The following SPSB1 variants were observed in gnomAD, a reference collection of about 807,000 sequenced individuals.
The protein encoded by SPSB1 is SPRY domain-containing SOCS box protein 1.
SPSB1 carries 8 observed loss-of-function variants against 21.2 expected under a neutral mutation model. The observed-to-expected ratio is 0.38, with a 90% CI of 0.22 to 0.68. The LOEUF (loss-of-function observed/expected upper bound fraction) is 0.68, where lower values mean the gene tolerates loss of function less well. Among genes scored for constraint, SPSB1 ranks in the 30% least tolerant of loss-of-function variants. The pLI is 0.53. For synonymous variants in SPSB1, 169 were observed against 161.7 expected (o/e 1.05, Z -0.34); for missense variants, 242 against 377.8 (o/e 0.64, Z 2.98).
intron 1 of SPSB1, among the ~76,000 whole-genome samples, chr1:9,303,752 G>C (rs1417420300): frequency 1.3e-5 from 2 of 152,180 alleles, no homozygotes; most frequent in African/African-American, 4.8e-5. Flanking sequence ...TGGAGATTAA[G>C]TATGGTTTAA....
At chr1:9,362,248 A>G (rs10746488) in intron 2 of SPSB1, among the ~76,000 whole-genome samples, 114,800 of 150,786 alleles carry the variant, frequency 0.76, 43,808 homozygotes, top group East Asian at 0.96. Context: ...TATTCCCCAC[A>G]CCCTCCAGAA....
chr1:9,328,840 C>T (rs1177085022), intron 1 of SPSB1, among the ~76,000 whole-genome samples: 2 of 152,192 alleles, frequency 1.3e-5, no homozygotes, highest in Admixed American at 6.5e-5. Context: ...AGGCTTGTGT[C>T]GGGCGTGGCT....
At chr1:9,326,119 G>T (rs1424367327) in intron 1 of SPSB1, among the ~76,000 whole-genome samples, 1 of 152,030 alleles carries the variant, frequency 6.6e-6, no homozygotes, top group Non-Finnish European at 1.5e-5. Flanking sequence ...CGACACGTGG[G>T]GAGGTCGGGT....
At chr1:9,357,220 A>G (rs75850835) in intron 2 of SPSB1, among the ~76,000 whole-genome samples, 72,960 of 147,990 alleles carry the variant, frequency 0.49, 18,504 homozygotes, top group East Asian at 0.6. Flanking sequence ...TCAGTGAATG[A>G]ATGGATGGAT....
intron 1 of SPSB1, among the ~76,000 whole-genome samples, chr1:9,318,230 C>T (rs759126116): frequency 5.3e-5 from 8 of 152,242 alleles, no homozygotes; most frequent in Admixed American, 5.2e-4. Flanking sequence ...TCCTCCACCA[C>T]GAATGCAGCC....
In SPSB1 at chr1:9,356,238, G is replaced by T; in HGVS notation, c.347G>T (p.Gly116Val). 6.2e-7 allele frequency: 1 copy of T among 1,606,010 alleles called. No homozygotes were observed. The highest frequency in any genetic ancestry group is 8.5e-7 in the Non-Finnish European group (1 of 1,175,116). The stretch of plus-strand genomic sequence containing the variant: ...CAGCGGGGCACACACGCCGTGGTGG[G>T]GGTGGCGACGGCAGACGCCCCCCTG... ...MRQRGTHAVV[G>V]VATADAPLHS... The change falls in exon 2 of 3, where the codon GGG becomes GTG. Residue 116 changes from glycine to valine, a missense_variant. Transcript: ENST00000328089. The surrounding 1 kb of genome is among the most constrained non-coding windows in gnomAD (Gnocchi z 7.4).
chr1:9,340,094 G>A (rs1557459043), intron 1 of SPSB1, among the ~76,000 whole-genome samples: 3 of 152,200 alleles, frequency 2.0e-5, no homozygotes, highest in Admixed American at 6.5e-5. Flanking sequence ...GCAAGCTCCT[G>A]GGTGATGGTC....
chr1:9,367,504 A>AGG lies in SPSB1; in HGVS notation c.753_754dup (p.Glu252GlyfsTer58). On this transcript the variant is annotated frameshift_variant, in exon 3 of 3. Transcript: ENST00000328089. LOFTEE classifies it high-confidence loss of function. The surrounding 1 kb of genome is among the most constrained non-coding windows in gnomAD (Gnocchi z 5.9). Reference sequence around the variant, plus strand: ...TCGCTCGGTGCGCCTGGCCCTGGGGAGGGAGCGCCTGGGGGAGATCCACAC... The same window carrying AGG: ...TCGCTCGGTGCGCCTGGCCCTGGGGAGGGGGAGCGCCTGGGGGAGATCCACAC... The AGG allele has an allele frequency of 6.2e-7, 1 of 1,611,270 alleles. No individual in the cohort carries two copies. The highest frequency in any genetic ancestry group is 8.5e-7 in the Non-Finnish European group (1 of 1,179,092).
At chr1:9,319,400 T>G (rs1218927472) in intron 1 of SPSB1, among the ~76,000 whole-genome samples, 1 of 151,970 alleles carries the variant, frequency 6.6e-6, no homozygotes, top group African/African-American at 2.4e-5. Context: ...TTCTCCTCCC[T>G]CCTCCCTCCT....
At position 9,356,098 on chromosome 1, in the gene SPSB1, G is replaced by A; in HGVS notation, c.207G>A (p.Glu69=). 6.2e-7 allele frequency: 1 copy of A among 1,608,238 alleles called. No individual in the cohort carries two copies. Among genetic ancestry groups the A allele is most frequent in the East Asian group, 2.2e-5 (1 of 44,746 alleles). ...GATCGCTCAATGTCTTTGTGAAGGA[G>A]GACGACAAGCTCATCTTTCACCGGC... ...NDRSLNVFVK[E]DDKLIFHRHP... is the part of the protein sequence containing the mutation. The change falls in exon 2 of 3, where the codon GAG becomes GAA. Residue 69 remains glutamate, a synonymous_variant. Transcript: ENST00000328089. This position sits in a 1 kb window ranked among gnomAD's most constrained non-coding sequence, Gnocchi z 7.4.
intron 2 of SPSB1, among the ~76,000 whole-genome samples, chr1:9,362,490 C>T (rs1200328094): frequency 1.3e-5 from 2 of 152,242 alleles, no homozygotes; most frequent in South Asian, 2.1e-4. Context: ...TGTCCTGGAG[C>T]GTGGTCCCCA....
chr1:9,359,930 A>G (rs1221496942), intron 2 of SPSB1, among the ~76,000 whole-genome samples: 2 of 151,972 alleles, frequency 1.3e-5, no homozygotes, highest in East Asian at 3.9e-4. Flanking sequence ...CGAGAAAGGG[A>G]AGCAGCAAGG....
Position 9,321,289 on chromosome 1 carries a change from C to T in SPSB1, c.-150+28218C>T, listed in dbSNP as rs1318242231. Among the ~76,000 whole-genome samples the T allele has an allele frequency of 6.6e-6, 1 of 152,154 alleles. No individual in the cohort carries two copies. The highest frequency in any genetic ancestry group is 1.9e-4 in the East Asian group (1 of 5,194). On this transcript the variant is annotated intron_variant, in intron 1 of 2. Coordinates refer to ENST00000328089, the MANE Select transcript of SPSB1 (RefSeq NM_025106.4). The surrounding 1 kb of genome is among the most constrained non-coding windows in gnomAD (Gnocchi z 4.8). ...TCGAGTTTCTGGGTTGATGGCACATCCAGGGTGAAGGAAGAACTCCTTACA... is the reference window on the plus strand; with the variant it reads ...TCGAGTTTCTGGGTTGATGGCACATTCAGGGTGAAGGAAGAACTCCTTACA...
chr1:9,350,458 G>T (rs1640238469), intron 1 of SPSB1, among the ~76,000 whole-genome samples: 1 of 152,244 alleles, frequency 6.6e-6, no homozygotes. Context: ...CTTTCACTAA[G>T]GGAATGGAGA....
intron 1 of SPSB1, among the ~76,000 whole-genome samples, chr1:9,311,040 G>T (rs629524): frequency 0.59 from 89,083 of 151,868 alleles, 27,194 homozygotes; most frequent in Middle Eastern, 0.71. Context: ...GGGCCAATTT[G>T]GAGCTGGTCA....
rs552880995 is a variant in SPSB1, at chr1:9,293,785, G to T, written c.-150+714G>T. 1.3e-5 allele frequency among the ~76,000 whole-genome samples: 2 copies of T among 152,286 alleles called. No homozygotes were observed. The highest frequency in any genetic ancestry group is 4.1e-4 in the South Asian group (2 of 4,820). ...TGGGCTCGGTGGCGTCCAGGTTCCG[G>T]TGAGGACGGGACGGCCCCGAGAGGA... is the stretch of plus-strand genomic sequence containing the variant. On this transcript the variant is annotated intron_variant, in intron 1 of 2. Transcript: ENST00000328089. The surrounding 1 kb of genome is among the most constrained non-coding windows in gnomAD (Gnocchi z 5.1).
Position 9,305,394 on chromosome 1 carries a change from C to T in SPSB1, c.-150+12323C>T, listed in dbSNP as rs1348406774. Among the ~76,000 whole-genome samples the T allele has an allele frequency of 6.6e-6, 1 of 152,232 alleles. No homozygotes were observed. Among genetic ancestry groups the T allele is most frequent in the Non-Finnish European group, 1.5e-5 (1 of 68,036 alleles). ...TGCCAGGGACAGCTGCTGTTGTGGG[C>T]AGCCCAGTGACCTGTGGGCTCCAGG... On this transcript the variant is annotated intron_variant, in intron 1 of 2. Coordinates refer to ENST00000328089, the MANE Select transcript of SPSB1 (RefSeq NM_025106.4). This position sits in a 1 kb window ranked among gnomAD's most constrained non-coding sequence, Gnocchi z 4.8.
Position 9,369,220 on chromosome 1 carries a change from G to A in SPSB1, c.*1645G>A. On this transcript the variant is annotated 3_prime_UTR_variant, in exon 3 of 3. Transcript: ENST00000328089. Reference sequence around the variant, plus strand: ...TATTTTGACGGTTTTTTTTTTCGGGGCAGGGGACCTTACCTGTAAGACTTT... The same window carrying A: ...TATTTTGACGGTTTTTTTTTTCGGGACAGGGGACCTTACCTGTAAGACTTT... 6.6e-6 allele frequency: 1 copy of A among 151,406 alleles called. No homozygotes were observed. The highest frequency in any genetic ancestry group is 1.5e-5 in the Non-Finnish European group (1 of 67,856). The allele number at this position is 151,406 out of a possible 1,614,324, so 9.4% of individuals were successfully genotyped here.
At chr1:9,322,654 A>T (rs975153085) in intron 1 of SPSB1, among the ~76,000 whole-genome samples, 2 of 152,122 alleles carry the variant, frequency 1.3e-5, no homozygotes, top group African/African-American at 4.8e-5. Flanking sequence ...CTTGGGCCAG[A>T]TTCTGGGGAG....
Sources: gnomAD v4.1 joint callset for allele counts (sites outside exome capture counted in the v4.1 genomes callset) on GRCh38, gnomAD v4.1.1 for gene constraint, Gnocchi (gnomAD v3.1) non-coding constraint, MANE v1.5 for transcripts, NCBI Gene and HGNC (gene_info 2026-07-23, HGNC 2026-07-21) for gene names.